The following PALLD variants were observed in gnomAD, a reference collection of about 807,000 sequenced individuals.
PALLD encodes palladin.
Under a neutral mutation model 123.5 loss-of-function variants are expected in PALLD, and 61 were observed. The observed-to-expected ratio is 0.49, with a 90% CI of 0.40 to 0.61. The LOEUF is 0.61. Ranked by LOEUF, PALLD falls within the 20% of genes least tolerant of loss-of-function variation. The probability of loss-of-function intolerance (pLI) is 0.00; values close to 1 mark genes in which losing one functional copy is unlikely to be tolerated. For synonymous variants in PALLD, 465 were observed against 496.4 expected (o/e 0.94, Z 0.84); for missense variants, 1,273 against 1,377.0 (o/e 0.92, Z 1.20).
chr4:168,717,246 TTGAA>T (rs1785451135), intron 10 of PALLD, among the ~76,000 whole-genome samples: 1 of 152,184 alleles, frequency 6.6e-6, no homozygotes, highest in Admixed American at 6.5e-5. Context: ...ACGATGTTTT[TTGAA>T]TGAATGAAGC....
intron 10 of PALLD, among the ~76,000 whole-genome samples, chr4:168,789,119 A>G (rs1262105823): frequency 6.6e-6 from 1 of 152,206 alleles, no homozygotes; most frequent in Non-Finnish European, 1.5e-5. Context: ...CATGACATAC[A>G]TACTCTTTCG....
intron 10 of PALLD, among the ~76,000 whole-genome samples, chr4:168,849,550 T>C (rs1747427715): frequency 6.6e-6 from 1 of 152,210 alleles, no homozygotes. Flanking sequence ...AAGTCTGAAT[T>C]GAATTCTCGA....
At chr4:168,677,001 G>A (rs116021508) in intron 3 of PALLD, among the ~76,000 whole-genome samples, 88 of 152,256 alleles carry the variant, frequency 5.8e-4, no homozygotes, top group African/African-American at 2.1e-3. Flanking sequence ...TTCACTCTGC[G>A]TGGGAGGCAG....
intron 10 of PALLD, among the ~76,000 whole-genome samples, chr4:168,843,670 A>G (rs978596016): frequency 6.6e-6 from 1 of 152,196 alleles, no homozygotes; most frequent in Non-Finnish European, 1.5e-5. Flanking sequence ...AGACATAGAC[A>G]TGGTGGTGAT....
intron 10 of PALLD, among the ~76,000 whole-genome samples, chr4:168,770,929 G>A (rs1013357232): frequency 5.3e-5 from 8 of 151,930 alleles, no homozygotes; most frequent in South Asian, 2.1e-4. Context: ...GCATGGGAGC[G>A]GGCACTTGTA....
chr4:168,865,266 G>A (rs1750097642), intron 10 of PALLD, among the ~76,000 whole-genome samples: 1 of 152,224 alleles, frequency 6.6e-6, no homozygotes, highest in Admixed American at 6.5e-5. Flanking sequence ...ACGGTCACAA[G>A]TCTCTTAATT....
At chr4:168,793,407 T>TAA (rs549925112) in intron 10 of PALLD, among the ~76,000 whole-genome samples, 2 of 150,540 alleles carry the variant, frequency 1.3e-5, no homozygotes, top group East Asian at 3.9e-4. Context: ...CATATCACAG[T>TAA]AAAAATATAG....
intron 10 of PALLD, among the ~76,000 whole-genome samples, chr4:168,830,729 C>T (rs1033134955): frequency 6.6e-6 from 1 of 152,056 alleles, no homozygotes; most frequent in East Asian, 1.9e-4. Context: ...TTACAGACAT[C>T]GTTATTCATT....
chr4:168,700,462 A>G (rs916589590), intron 8 of PALLD: 2 of 152,214 alleles, frequency 1.3e-5, no homozygotes, highest in African/African-American at 4.8e-5. Flanking sequence ...ATTCTGCTCA[A>G]TCAACTTTGA....
intron 10 of PALLD, among the ~76,000 whole-genome samples, chr4:168,719,457 A>G (rs996670739): frequency 6.6e-6 from 1 of 151,658 alleles, no homozygotes; most frequent in Non-Finnish European, 1.5e-5. Flanking sequence ...ACGAGGTTTC[A>G]CCATGTTGGC....
intron 2 of PALLD, among the ~76,000 whole-genome samples, chr4:168,539,188 C>T (rs1765369618): frequency 6.6e-6 from 1 of 152,132 alleles, no homozygotes; most frequent in African/African-American, 2.4e-5. Context: ...AAAACTGAGG[C>T]TTAGAGAAAT....
intron 2 of PALLD, among the ~76,000 whole-genome samples, chr4:168,616,997 G>A (rs1291134265): frequency 6.6e-6 from 1 of 152,170 alleles, no homozygotes; most frequent in African/African-American, 2.4e-5. Flanking sequence ...CATAAGTGCT[G>A]TGAGCAGCTT....
intron 1 of PALLD, among the ~76,000 whole-genome samples, chr4:168,502,081 T>G (rs1032328967): frequency 2.0e-5 from 3 of 152,236 alleles, no homozygotes; most frequent in African/African-American, 7.2e-5. Flanking sequence ...TCTTTCCAGC[T>G]ATGTCCCTGG....
At position 168,608,240 on chromosome 4, in the gene PALLD, G is replaced by A. The variant is rs924484218; in HGVS notation, c.909-59950G>A. On this transcript the variant is annotated intron_variant, in intron 2 of 21. Coordinates refer to ENST00000505667, the MANE Select transcript of PALLD (RefSeq NM_001166108.2). ...AGCCCATTCCTGTGAGTAACTCCAT[G>A]CTTTATAACTAAAGTGGTCTGCCGT... Among the ~76,000 whole-genome samples, 3 of 152,206 alleles carry A rather than the reference G, an allele frequency of 2.0e-5. No homozygotes were observed. In the South Asian group the frequency reaches 6.2e-4, roughly 31 times the overall value.
intron 2 of PALLD, among the ~76,000 whole-genome samples, chr4:168,617,834 G>T (rs1774378802): frequency 6.6e-6 from 1 of 152,144 alleles, no homozygotes; most frequent in Non-Finnish European, 1.5e-5. Flanking sequence ...TTTGAAAACT[G>T]TAAGAGGAAA....
chr4:168,544,050 G>T (rs559419861), intron 2 of PALLD, among the ~76,000 whole-genome samples: 2 of 152,146 alleles, frequency 1.3e-5, no homozygotes, highest in African/African-American at 4.8e-5. Flanking sequence ...CAAATTTCTT[G>T]ACTTAATTCT....
chr4:168,594,299 G>T (rs140700421), intron 2 of PALLD, among the ~76,000 whole-genome samples: 1 of 152,122 alleles, frequency 6.6e-6, no homozygotes, highest in Non-Finnish European at 1.5e-5. Flanking sequence ...ATAAATAGAC[G>T]TGGATACAAG....
chr4:168,527,822 C>T (rs531418636), intron 2 of PALLD, among the ~76,000 whole-genome samples: 148 of 152,288 alleles, frequency 9.7e-4, no homozygotes, highest in Middle Eastern at 3.4e-3. Flanking sequence ...CTGGAGGGCC[C>T]TGGCAGATCA....
chr4:168,597,751 G>GA (rs537491742), intron 2 of PALLD, among the ~76,000 whole-genome samples: 17 of 151,950 alleles, frequency 1.1e-4, no homozygotes, highest in African/African-American at 3.4e-4. Context: ...TGATAAATTT[G>GA]AAAAAAACTC....
Sources: gnomAD v4.1 joint callset for allele counts (sites outside exome capture counted in the v4.1 genomes callset) on GRCh38, gnomAD v4.1.1 for gene constraint, MANE v1.5 for transcripts, NCBI Gene and HGNC (gene_info 2026-07-23, HGNC 2026-07-21) for gene names.